Variants in NRG1 observed in about 807,000 individuals in gnomAD.
The protein encoded by NRG1 is pro-neuregulin-1, membrane-bound isoform.
Under a neutral mutation model 63.8 loss-of-function variants are expected in NRG1, and 18 were observed. That is an observed-to-expected ratio of 0.28 (90% CI 0.19 to 0.42). The LOEUF (loss-of-function observed/expected upper bound fraction) is 0.42, where lower values mean the gene tolerates loss of function less well. Among genes scored for constraint, NRG1 ranks in the 10% least tolerant of loss-of-function variants. NRG1 has a pLI of 1.00. For missense variants in NRG1, 762 were observed against 814.7 expected, an observed-to-expected ratio of 0.94 and a Z score of 0.79; for synonymous variants, 302 against 301.3, an observed-to-expected ratio of 1.00 and a Z score of -0.02.
At chr8:32,717,787 A>G (rs1007615068) in intron 5 of NRG1, among the ~76,000 whole-genome samples, 2 of 152,188 alleles carry the variant, frequency 1.3e-5, no homozygotes, top group African/African-American at 2.4e-5. Flanking sequence ...AAGGAATATT[A>G]GGCTTTTTAC....
At chr8:31,866,971 T>C (rs1199971686) in intron 1 of NRG1, among the ~76,000 whole-genome samples, 1 of 152,188 alleles carries the variant, frequency 6.6e-6, no homozygotes, top group Non-Finnish European at 1.5e-5. Flanking sequence ...TTAGGGATTT[T>C]TAAAATAGAT....
intron 1 of NRG1, among the ~76,000 whole-genome samples, chr8:32,039,862 G>GA (rs375339076): frequency 1.2e-3 from 167 of 143,684 alleles, no homozygotes; most frequent in African/African-American, 2.8e-3. Flanking sequence ...CTACAAAATA[G>GA]AAAAAAAAAA....
At chr8:31,643,715 G>C (rs1804021133) in intron 1 of NRG1, among the ~76,000 whole-genome samples, 1 of 152,150 alleles carries the variant, frequency 6.6e-6, no homozygotes, top group Non-Finnish European at 1.5e-5. Flanking sequence ...TGGGTTTTAT[G>C]TTCATTGGAA....
intron 1 of NRG1, among the ~76,000 whole-genome samples, chr8:32,529,982 G>T (rs904325589): frequency 6.6e-6 from 1 of 152,172 alleles, no homozygotes; most frequent in African/African-American, 2.4e-5. Context: ...TAATTGCACG[G>T]ACTAGCCCTT....
At chr8:32,309,091 T>C (rs987211709) in intron 1 of NRG1, among the ~76,000 whole-genome samples, 6 of 152,166 alleles carry the variant, frequency 3.9e-5, no homozygotes, top group Admixed American at 6.5e-5. Context: ...GTATATTGAG[T>C]ATTTCAAGTT....
intron 1 of NRG1, among the ~76,000 whole-genome samples, chr8:32,000,946 A>G (rs1305071290): frequency 1.3e-5 from 2 of 151,994 alleles, no homozygotes; most frequent in Admixed American, 1.3e-4. Flanking sequence ...CCCCTATTAC[A>G]CATACAAAAT....
chr8:32,171,773 C>T (rs1410821638), intron 1 of NRG1, among the ~76,000 whole-genome samples: 1 of 152,092 alleles, frequency 6.6e-6, no homozygotes, highest in Non-Finnish European at 1.5e-5. Context: ...TGAGATCAAA[C>T]TGCCAGGCGG....
At chr8:32,032,421 GC>G (rs1245926504) in intron 1 of NRG1, among the ~76,000 whole-genome samples, 1 of 151,766 alleles carries the variant, frequency 6.6e-6, no homozygotes, top group Non-Finnish European at 1.5e-5. Flanking sequence ...CTGCCACTAT[GC>G]CCAGATACTT....
intron 1 of NRG1, among the ~76,000 whole-genome samples, chr8:32,188,804 A>C (rs913534685): frequency 3.3e-5 from 5 of 151,488 alleles, no homozygotes; most frequent in Non-Finnish European, 7.4e-5. Flanking sequence ...CACTCTGGGG[A>C]CTGTTGTGGG....
chr8:32,147,496 A>G (rs1837002647), intron 1 of NRG1, among the ~76,000 whole-genome samples: 1 of 152,214 alleles, frequency 6.6e-6, no homozygotes, highest in African/African-American at 2.4e-5. Context: ...ATGAATGAGT[A>G]AAAGTATCAC....
At chr8:32,214,453 A>C (rs558083095) in intron 1 of NRG1, among the ~76,000 whole-genome samples, 1 of 152,330 alleles carries the variant, frequency 6.6e-6, no homozygotes, top group East Asian at 1.9e-4. Context: ...ACAAATAATA[A>C]CATTGCTTTC....
chr8:32,601,677 A>G (rs1373223988), intron 2 of NRG1, among the ~76,000 whole-genome samples: 2 of 152,018 alleles, frequency 1.3e-5, no homozygotes, highest in Non-Finnish European at 2.9e-5. Context: ...TAAGATTTCT[A>G]GGCCCTATTC....
intron 1 of NRG1, among the ~76,000 whole-genome samples, chr8:32,029,811 A>G (rs975542250): frequency 2.0e-5 from 3 of 150,858 alleles, no homozygotes; most frequent in Non-Finnish European, 4.4e-5. Flanking sequence ...ATTTGTCTCA[A>G]TAATAATTAT....
At position 31,924,621 on chromosome 8, in the gene NRG1, T is replaced by TTG; in HGVS notation, c.37+285191_37+285192insGT. Among the ~76,000 whole-genome samples the TTG allele has an allele frequency of 2.0e-5, 3 of 151,408 alleles. No individual in the cohort carries two copies. In the South Asian group the frequency reaches 6.3e-4, roughly 32 times the overall value. ...TTTCTGTTTTATAAATTTGTGCCTT[T>TTG]TTTTTTTCACTTTTTCTCATTTCTA... On this transcript the variant is annotated intron_variant, in intron 1 of 10. Transcript: ENST00000519301.
intron 1 of NRG1, among the ~76,000 whole-genome samples, chr8:31,754,591 CG>C (rs1474948825): frequency 2.0e-5 from 3 of 151,984 alleles, no homozygotes; most frequent in Admixed American, 6.6e-5. Flanking sequence ...TTTATAGCAA[CG>C]CAACAATGAA....
chr8:32,692,662 T>G lies in NRG1; in HGVS notation c.503-35287T>G, dbSNP rs115837147. 5.0e-3 allele frequency among the ~76,000 whole-genome samples: 763 copies of G among 152,324 alleles called. 4 individuals carry two copies. Among genetic ancestry groups the G allele is most frequent in the African/African-American group, 0.018 (738 of 41,552 alleles). On this transcript the variant is annotated intron_variant, in intron 5 of 11. Coordinates refer to ENST00000356819, the Ensembl canonical transcript of NRG1. ...TGATTACTTCGGGCCCAAATGAGCT[T>G]TCTCTTTTAAGTAGCAGAAAAATAA...
At chr8:32,339,155 TTCCC>T (rs1803719330) in intron 1 of NRG1, among the ~76,000 whole-genome samples, 1 of 152,168 alleles carries the variant, frequency 6.6e-6, no homozygotes, top group Non-Finnish European at 1.5e-5. Flanking sequence ...TGTACTACAG[TTCCC>T]TCTCCCTAAA....
chr8:31,787,546 A>C (rs569156296), intron 1 of NRG1, among the ~76,000 whole-genome samples: 2 of 152,328 alleles, frequency 1.3e-5, no homozygotes, highest in Middle Eastern at 6.8e-3. Context: ...TGAGTTTGGC[A>C]AACCTAGAAA....
intron 1 of NRG1, among the ~76,000 whole-genome samples, chr8:32,492,448 T>C (rs1826708589): frequency 1.3e-5 from 2 of 149,614 alleles, no homozygotes; most frequent in African/African-American, 4.9e-5. Flanking sequence ...GTAGAAAGCA[T>C]ACATCCATAT....
Sources: gnomAD v4.1 joint callset for allele counts (sites outside exome capture counted in the v4.1 genomes callset) on GRCh38, gnomAD v4.1.1 for gene constraint, MANE v1.5 for transcripts, NCBI Gene and HGNC (gene_info 2026-07-23, HGNC 2026-07-21) for gene names.